MEI1: variants seen among roughly 807,000 people sequenced by gnomAD.
The protein encoded by MEI1 is meiotic double-stranded break formation protein 1.
A neutral mutation model predicts 146.2 loss-of-function variants in MEI1; 103 were observed. That is an observed-to-expected ratio of 0.70 (90% confidence interval 0.60 to 0.83). MEI1 has a LOEUF of 0.83. Among genes scored for constraint, MEI1 ranks in the 40% least tolerant of loss-of-function variants. The probability of loss-of-function intolerance (pLI) is 0.00; values close to 1 mark genes in which losing one functional copy is unlikely to be tolerated. For synonymous variants in MEI1, 652 were observed against 628.2 expected (o/e 1.04, Z -0.57); for missense variants, 1,529 against 1,533.0 (o/e 1.00, Z 0.04).
At chr22:41,730,074 A>G (rs2071724359) in intron 8 of MEI1, among the ~76,000 whole-genome samples, 2 of 152,232 alleles carry the variant, frequency 1.3e-5, no homozygotes, top group South Asian at 4.1e-4. Flanking sequence ...TGCATTGCAA[A>G]TGTTACCACA....
chr22:41,780,622 C>T (rs1453129268), intron 22 of MEI1, among the ~76,000 whole-genome samples: 1 of 149,264 alleles, frequency 6.7e-6, no homozygotes, highest in Non-Finnish European at 1.5e-5. Flanking sequence ...ACTCTGTCAC[C>T]CAGGTTGAAG....
At chr22:41,733,017 G>C (rs2072002478) in intron 11 of MEI1, among the ~76,000 whole-genome samples, 1 of 151,998 alleles carries the variant, frequency 6.6e-6, no homozygotes, top group Non-Finnish European at 1.5e-5. Flanking sequence ...CTGACCTCAG[G>C]TGATTCACCT....
chr22:41,700,298 C>T (rs1420648266), intron 1 of MEI1, among the ~76,000 whole-genome samples: 2 of 152,200 alleles, frequency 1.3e-5, no homozygotes, highest in East Asian at 1.9e-4. Flanking sequence ...AGCGGGCTGC[C>T]TGGGTCCTCA....
intron 27 of MEI1, 146 bp downstream of exon 27, chr22:41,794,056 C>A: frequency 3.8e-6 from 3 of 790,694 alleles, no homozygotes; most frequent in Admixed American, 4.6e-5. Flanking sequence ...CAAGGGCAGT[C>A]ATGCCCATTA....
chr22:41,793,032 C>CTTTTTTTTT lies in MEI1; in HGVS notation c.3346-774_3346-766dup, dbSNP rs869223251. On this transcript the variant is annotated intron_variant, in intron 26 of 30. Coordinates refer to ENST00000401548, the MANE Select transcript of MEI1 (RefSeq NM_152513.4). ...ATCTTCTTTTCTGAAACAAAGCATTCTTTTTTTTTTTTTTTTTTTTTTTTT... is the reference window on the plus strand; with the variant it reads ...ATCTTCTTTTCTGAAACAAAGCATTCTTTTTTTTTTTTTTTTTTTTTTTTTTTTTTTTTT... Among the ~76,000 whole-genome samples, 157 of 48,450 alleles carry CTTTTTTTTT rather than the reference C, an allele frequency of 3.2e-3. 30 individuals carry two copies. Among genetic ancestry groups the CTTTTTTTTT allele is most frequent in the East Asian group, 0.012 (11 of 942 alleles). The allele number at this position is 48,450 out of a possible 152,430, so 31.8% of individuals were successfully genotyped here. A position where few individuals can be genotyped will look rare whatever the true frequency, so the allele number is the denominator to read the frequency against.
chr22:41,703,240 A>G (rs576357833), intron 1 of MEI1, 91 bp from the exon 2 acceptor site: 1 of 1,402,970 alleles, frequency 7.1e-7, no homozygotes, highest in East Asian at 2.4e-5. Context: ...CCCTTGTATC[A>G]TCTTGTAATT....
At position 41,795,060 on chromosome 22, in the gene MEI1, T is replaced by C. The variant is rs553246011; in HGVS notation, c.3535-351T>C. On this transcript the variant is annotated intron_variant, in intron 28 of 30. Transcript: ENST00000401548. This position sits in a 1 kb window ranked among gnomAD's most constrained non-coding sequence, Gnocchi z 4.2. The stretch of plus-strand genomic sequence containing the variant: ...ATTAATAGGCAGAGAGGAGGAAAGG[T>C]ATTCCAGGTAGTGAAGTACAAACAA... 1.3e-5 allele frequency among the ~76,000 whole-genome samples: 2 copies of C among 152,224 alleles called. No individual in the cohort carries two copies. The highest frequency in any genetic ancestry group is 4.2e-4 in the South Asian group (2 of 4,814).
intron 26 of MEI1, among the ~76,000 whole-genome samples, chr22:41,790,281 G>T (rs1228921867): frequency 6.6e-6 from 1 of 151,912 alleles, no homozygotes; most frequent in Non-Finnish European, 1.5e-5. Flanking sequence ...ACAGGGTTTC[G>T]CCATGTTGGC....
chr22:41,745,931 T>A lies in MEI1; in HGVS notation c.1585T>A (p.Phe529Ile), dbSNP rs535733786. 5.0e-6 allele frequency: 8 copies of A among 1,613,610 alleles called. No homozygotes were observed. The East Asian group carries it at 1.8e-4, about 36-fold the overall frequency. ...TGAGCCTTCAGCCCAGGAGAATCCA[T>A]TCACAGCTCCCAGCGCCAAGAAGGA... ...QSEPSAQENP[F>I]TAPSAKKEDT... The change falls in exon 14 of 31, where the codon TTC becomes ATC. Residue 529 changes from phenylalanine to isoleucine, a missense_variant. By Grantham distance (21) the Phe-to-Ile change is conservative. This residue lies in a region of MEI1 where 1,212 missense variants were observed against 1,178.9 expected (regional missense o/e 1.03). Transcript: ENST00000401548.
chr22:41,715,526 G>T (rs1000647696), intron 4 of MEI1, among the ~76,000 whole-genome samples: 22 of 151,868 alleles, frequency 1.4e-4, no homozygotes, highest in Non-Finnish European at 2.2e-4. Flanking sequence ...CTCCCGAGTA[G>T]CTGGGACTAC....
At chr22:41,702,447 CT>C (rs1008691966) in intron 1 of MEI1, among the ~76,000 whole-genome samples, 147 of 148,920 alleles carry the variant, frequency 9.9e-4, no homozygotes, top group African/African-American at 3.4e-3. Flanking sequence ...CTTGAACACA[CT>C]TTTTTTCTTT....
Position 41,776,343 on chromosome 22 carries a change from C to G in MEI1, c.2710+76C>G. 3 of 1,501,110 alleles carry G rather than the reference C, an allele frequency of 2.0e-6. No individual in the cohort carries two copies. In the East Asian group the frequency reaches 6.8e-5, roughly 34 times the overall value. 93.0% of individuals were successfully genotyped at this position (1,501,110 alleles called of 1,614,324 possible). On this transcript the variant is annotated intron_variant, in intron 21 of 30. Transcript: ENST00000401548. ...ATGGGCATCTCTACCCTTGTTAGGT[C>G]TGCTCCAGGAGAGAGAATCAGGGTT...
rs1292889135 is a variant in MEI1 at position 41,781,204 on chromosome 22, A to C, written c.2816-80A>C. ...CTTGCTCCCCAAGACTGACATCTGA[A>C]ATAGCCAGTCGCAGGCTACCACCTA... is the stretch of plus-strand genomic sequence containing the variant. On this transcript the variant is annotated intron_variant, in intron 22 of 30. Transcript: ENST00000401548. The C allele has an allele frequency of 3.1e-6, 3 of 973,310 alleles. No individual in the cohort carries two copies. In the African/African-American group the frequency reaches 4.8e-5, roughly 16 times the overall value. 60.3% of individuals were successfully genotyped at this position (973,310 alleles called of 1,614,324 possible).
At chr22:41,758,858 C>T (rs1308643264) in intron 18 of MEI1, among the ~76,000 whole-genome samples, 1 of 152,166 alleles carries the variant, frequency 6.6e-6, no homozygotes, top group Non-Finnish European at 1.5e-5. Context: ...TTTTTAAAAT[C>T]ATGGCTGGGC....
At chr22:41,784,480 C>T in intron 25 of MEI1, 60 bp downstream of exon 25, 1 of 1,600,492 alleles carries the variant, frequency 6.2e-7, no homozygotes, top group Non-Finnish European at 8.6e-7. Context: ...TCAGATAAGA[C>T]CAGCACCCTG....
intron 6 of MEI1, among the ~76,000 whole-genome samples, chr22:41,719,238 C>T (rs974575919): frequency 5.3e-5 from 8 of 152,160 alleles, no homozygotes; most frequent in African/African-American, 1.9e-4. Context: ...CGCCTTGGCT[C>T]CCAAAGTGCT....
In MEI1 at chr22:41,778,555, G is replaced by A. The variant is rs73885818; in HGVS notation, c.2711-153G>A. 4.0e-3 allele frequency: 2,395 copies of A among 600,964 alleles called. 40 individuals are homozygous for A. The African/African-American group carries it at 0.041, about 10-fold the overall frequency. 37.2% of individuals were successfully genotyped at this position (600,964 alleles called of 1,614,324 possible). A position where few individuals can be genotyped will look rare whatever the true frequency, so the allele number is the denominator to read the frequency against. ...GTTACGCCTGTTCTAAATGAAGAAA[G>A]AAATAGGAGTAAATCCCAACAAAAC... On this transcript the variant is annotated intron_variant, in intron 21 of 30. Coordinates refer to ENST00000401548, the MANE Select transcript of MEI1 (RefSeq NM_152513.4).
chr22:41,775,296 T>C (rs5758464), intron 20 of MEI1, among the ~76,000 whole-genome samples: 126,933 of 152,194 alleles, frequency 0.83, 53,892 homozygotes, highest in African/African-American at 0.95. Flanking sequence ...CACTTGCCTT[T>C]CTGTGCACTG....
chr22:41,780,757 T>A (rs2148145501), intron 22 of MEI1, among the ~76,000 whole-genome samples: 1 of 152,136 alleles, frequency 6.6e-6, no homozygotes, highest in Middle Eastern at 3.4e-3. Flanking sequence ...ATTTTTTGTA[T>A]TTTTTTGTGG....
Sources: allele counts gnomAD v4.1 joint callset (sites outside exome capture counted in the v4.1 genomes callset), GRCh38; gene constraint gnomAD v4.1.1; regional missense constraint gnomAD v4.1.1; non-coding constraint Gnocchi (gnomAD v3.1); transcripts MANE v1.5; gene names NCBI Gene and HGNC (gene_info 2026-07-23, HGNC 2026-07-21).